Variants in VPS13A observed in about 807,000 individuals in gnomAD.
VPS13A encodes the protein vacuolar protein sorting 13 homolog A.
In VPS13A, 264 loss-of-function variants were observed where a neutral mutation model predicts 390.9. The observed-to-expected ratio is 0.68, with a 90% confidence interval of 0.61 to 0.75. VPS13A has a LOEUF of 0.75. Ranked by LOEUF, VPS13A falls within the 30% of genes least tolerant of loss-of-function variation. VPS13A has a pLI of 0.00. For missense variants in VPS13A, 3,409 were observed against 3,733.9 expected (o/e 0.91, Z 2.27); for synonymous variants, 1,231 against 1,227.1 (o/e 1.00, Z -0.07).
intron 48 of VPS13A, 83 bp downstream of exon 48, chr9:77,339,994 A>G (rs1369909553): frequency 6.6e-6 from 10 of 1,508,930 alleles, no homozygotes; most frequent in Admixed American, 1.9e-5. Flanking sequence ...AATAAATATT[A>G]TGAAACTTGG....
intron 45 of VPS13A, among the ~76,000 whole-genome samples, chr9:77,327,779 T>C (rs2131468238): frequency 6.6e-6 from 1 of 152,294 alleles, no homozygotes; most frequent in Admixed American, 6.5e-5. Context: ...GCTCCAATTC[T>C]AATTCTAGTT....
intron 29 of VPS13A, 73 bp downstream of exon 29, chr9:77,282,347 C>G (rs1827084205): frequency 7.4e-7 from 1 of 1,351,470 alleles, no homozygotes; most frequent in Non-Finnish European, 1.0e-6. Flanking sequence ...TAGACCCTGA[C>G]TTTATTATTA....
rs45495494 is a variant in VPS13A at position 77,206,329 on chromosome 9, T to A, written c.385+250T>A. On this transcript the variant is annotated intron_variant, in intron 5 of 71. Transcript: ENST00000360280. ...TATTATTATTAGGTTTACATATTTT[T>A]TATATATATATATATACACACACAC... Among the ~76,000 whole-genome samples, 11,190 of 146,502 alleles carry A rather than the reference T, an allele frequency of 0.076. 499 individuals carry two copies. The highest frequency in any genetic ancestry group is 0.14 in the South Asian group (620 of 4,576).
chr9:77,391,472 T>A (rs1833895830), intron 68 of VPS13A, among the ~76,000 whole-genome samples: 1 of 152,134 alleles, frequency 6.6e-6, no homozygotes, highest in Non-Finnish European at 1.5e-5. Flanking sequence ...AGCACCATGT[T>A]TTTTGGTGTT....
Position 77,419,025 on chromosome 9 carries a change from G to C in VPS13A, c.*3019G>C, listed in dbSNP as rs1439244492. 1 of 152,054 alleles carries C rather than the reference G, an allele frequency of 6.6e-6. No individual in the cohort carries two copies. Among genetic ancestry groups the C allele is most frequent in the Non-Finnish European group, 1.5e-5 (1 of 68,020 alleles). The allele number at this position is 152,054 out of a possible 1,614,324, so 9.4% of individuals were successfully genotyped here. A position where few individuals can be genotyped will look rare whatever the true frequency, so the allele number is the denominator to read the frequency against. ...GTAGGCCTCTGTATTAAAAAGATTGGGACAAAATACTTGATTAGTTTGCCT... is the reference window on the plus strand; with the variant it reads ...GTAGGCCTCTGTATTAAAAAGATTGCGACAAAATACTTGATTAGTTTGCCT... On this transcript the variant is annotated 3_prime_UTR_variant, in exon 72 of 72. Transcript: ENST00000360280.
At chr9:77,394,295 G>A (rs12554165) in intron 68 of VPS13A, among the ~76,000 whole-genome samples, 25,869 of 150,682 alleles carry the variant, frequency 0.17, 2,785 homozygotes, top group East Asian at 0.33. Flanking sequence ...TTGAACTCTT[G>A]TGCTCAAGCG....
chr9:77,226,501 A>G lies in VPS13A; in HGVS notation c.1260A>G (p.Gly420=), dbSNP rs772376308. The change falls in exon 15 of 72, where the codon GGA becomes GGG. Residue 420 remains glycine (G), a synonymous_variant. Coordinates refer to ENST00000360280, the MANE Select transcript of VPS13A (RefSeq NM_033305.3). The part of the protein sequence containing the change: ...KKAGYKIYKE[G]VKDPEDNKGW... ...CTGGATACAAAATTTACAAAGAAGG[A>G]GTAAAAGATCCAGAGGATAATAAAG... The G allele has an allele frequency of 1.6e-5, 26 of 1,612,394 alleles. No homozygotes were observed. The highest frequency in any genetic ancestry group is 3.3e-4 in the Middle Eastern group (2 of 6,066).
intron 5 of VPS13A, among the ~76,000 whole-genome samples, chr9:77,208,504 A>T (rs1375712482): frequency 6.6e-6 from 1 of 152,134 alleles, no homozygotes; most frequent in East Asian, 1.9e-4. Flanking sequence ...TCAAAGGCAT[A>T]TTTCAAAAAA....
chr9:77,357,894 A>G (rs901518613), intron 56 of VPS13A, 56 bp downstream of exon 56: 72 of 1,513,556 alleles, frequency 4.8e-5, no homozygotes, highest in Non-Finnish European at 6.5e-5. Flanking sequence ...GCAATAAGAA[A>G]CCAGATCTAT....
intron 58 of VPS13A, 101 bp downstream of exon 58, chr9:77,359,503 C>A: frequency 3.8e-6 from 4 of 1,064,934 alleles, no homozygotes; most frequent in South Asian, 1.5e-5. Flanking sequence ...AAGATTTAAG[C>A]ATAAAATATT....
At chr9:77,215,116 G>T (rs1822780853) in intron 10 of VPS13A, among the ~76,000 whole-genome samples, 2 of 152,100 alleles carry the variant, frequency 1.3e-5, no homozygotes, top group African/African-American at 4.8e-5. Context: ...CTCCAGCCTG[G>T]GTGACAGAGT....
intron 33 of VPS13A, among the ~76,000 whole-genome samples, chr9:77,301,749 A>G (rs12378894): frequency 0.2 from 29,860 of 152,070 alleles, 3,784 homozygotes; most frequent in East Asian, 0.4. Flanking sequence ...TCTTACCTTT[A>G]TAAGTGCTTG....
At chr9:77,205,457 A>G in intron 4 of VPS13A, 49 bp downstream of exon 4, 1 of 878,108 alleles carries the variant, frequency 1.1e-6, no homozygotes, top group East Asian at 3.2e-5. Context: ...TTTTTTATGG[A>G]TGGAAAAATA....
chr9:77,211,347 GTT>G (rs1026453446), intron 7 of VPS13A: 13 of 152,048 alleles, frequency 8.5e-5, no homozygotes, highest in Admixed American at 3.9e-4. Flanking sequence ...GATTATAAAA[GTT>G]TACGCGTTTT....
At chr9:77,373,455 C>T (rs1247634364) in intron 67 of VPS13A, among the ~76,000 whole-genome samples, 1 of 125,110 alleles carries the variant, frequency 8.0e-6, no homozygotes, top group African/African-American at 2.8e-5. Context: ...GAAACTGGAT[C>T]CCTTCCTTAC....
rs762631935 is a variant in VPS13A, at chr9:77,203,367, C to CA, written c.188-1944dup. 3.3e-5 allele frequency among the ~76,000 whole-genome samples: 5 copies of CA among 152,304 alleles called. No homozygotes were observed. The East Asian group carries it at 5.8e-4, about 18-fold the overall frequency. ...ACAGTGGTGCGATCTTGGCTCATTGCAACCTATGCCTTCCTGGCTCAAGTA... is the reference window on the plus strand; with the variant it reads ...ACAGTGGTGCGATCTTGGCTCATTGCAAACCTATGCCTTCCTGGCTCAAGTA... On this transcript the variant is annotated intron_variant, in intron 3 of 71. Coordinates refer to ENST00000360280, the MANE Select transcript of VPS13A (RefSeq NM_033305.3).
At chr9:77,177,834 C>T (rs2131030565) in intron 1 of VPS13A, 30 bp downstream of exon 1, 2 of 1,586,620 alleles carry the variant, frequency 1.3e-6, no homozygotes, top group South Asian at 1.1e-5. Flanking sequence ...CGCTCCCCGG[C>T]CTCTCGTGCT....
chr9:77,192,358 T>A (rs1343084950), intron 1 of VPS13A, among the ~76,000 whole-genome samples: 2 of 152,196 alleles, frequency 1.3e-5, no homozygotes, highest in Non-Finnish European at 2.9e-5. Flanking sequence ...TGAATATTGT[T>A]ATGTGCTGAT....
chr9:77,268,342 G>T (rs1826152386), intron 23 of VPS13A, among the ~76,000 whole-genome samples: 1 of 152,136 alleles, frequency 6.6e-6, no homozygotes, highest in African/African-American at 2.4e-5. Flanking sequence ...GTAGTATCTG[G>T]GCTGGAGTGC....
Sources: gnomAD v4.1 joint callset for allele counts (sites outside exome capture counted in the v4.1 genomes callset) on GRCh38, gnomAD v4.1.1 for gene constraint, MANE v1.5 for transcripts, NCBI Gene and HGNC (gene_info 2026-07-23, HGNC 2026-07-21) for gene names.